The following HLTF variants were observed in gnomAD, a reference collection of about 807,000 sequenced individuals.
The protein encoded by HLTF is DNA-dependent ATPase/E3 ubiquitin-protein ligase HLTF.
In HLTF, 127 loss-of-function variants were observed where a neutral mutation model predicts 129.4. That is an observed-to-expected ratio of 0.98 (90% CI 0.85 to 1.14). HLTF has a LOEUF of 1.14. Ranked by LOEUF, HLTF falls within the 50% of genes most tolerant of loss-of-function variation. The pLI is 0.00. For synonymous variants in HLTF, 332 were observed against 388.8 expected (o/e 0.85, Z 1.72); for missense variants, 1,139 against 1,187.1 (o/e 0.96, Z 0.60).
intron 2 of HLTF, among the ~76,000 whole-genome samples, chr3:149,081,097 ACT>A (rs1461678134): frequency 3.9e-5 from 6 of 152,152 alleles, no homozygotes; most frequent in East Asian, 1.9e-4. Flanking sequence ...CATCTTGTTC[ACT>A]CTGTTTCCAC....
chr3:149,057,380 C>A (rs939593254), intron 13 of HLTF, among the ~76,000 whole-genome samples: 1 of 151,160 alleles, frequency 6.6e-6, no homozygotes, highest in Non-Finnish European at 1.5e-5. Context: ...GCGCCGTGAT[C>A]GCACCACTGC....
intron 17 of HLTF, among the ~76,000 whole-genome samples, chr3:149,047,183 G>A (rs1464385191): frequency 7.3e-6 from 1 of 137,850 alleles, no homozygotes; most frequent in African/African-American, 2.8e-5. Flanking sequence ...TCTATAAACC[G>A]GTGCTTTAGC....
intron 23 of HLTF, among the ~76,000 whole-genome samples, chr3:149,035,793 A>C (rs1715557573): frequency 6.6e-6 from 1 of 152,156 alleles, no homozygotes; most frequent in Non-Finnish European, 1.5e-5. Context: ...AAAAAGTACC[A>C]TTAGCTAATT....
chr3:149,051,365 A>G (rs1243666434), intron 14 of HLTF, among the ~76,000 whole-genome samples: 1 of 152,190 alleles, frequency 6.6e-6, no homozygotes, highest in Non-Finnish European at 1.5e-5. Context: ...GTAAATAATT[A>G]CCTATAGATA....
chr3:149,061,564 G>A (rs943878609), intron 10 of HLTF, among the ~76,000 whole-genome samples: 1 of 151,776 alleles, frequency 6.6e-6, no homozygotes, highest in Admixed American at 6.6e-5. Flanking sequence ...GGCCAGGCAC[G>A]GTGGCTCATG....
intron 3 of HLTF, 136 bp from the exon 4 acceptor site, chr3:149,074,484 C>A: frequency 1.4e-6 from 1 of 720,116 alleles, no homozygotes; most frequent in Non-Finnish European, 2.1e-6. Flanking sequence ...GTTGGGCAGA[C>A]TTGAAAGAAA....
At chr3:149,032,595 T>A (rs1715192926) in intron 24 of HLTF, among the ~76,000 whole-genome samples, 1 of 151,840 alleles carries the variant, frequency 6.6e-6, no homozygotes, top group Non-Finnish European at 1.5e-5. Context: ...GATCACAAGA[T>A]AAGCAAAGCA....
intron 17 of HLTF, among the ~76,000 whole-genome samples, chr3:149,047,606 C>T (rs1716653898): frequency 6.6e-6 from 1 of 152,068 alleles, no homozygotes; most frequent in Admixed American, 6.6e-5. Context: ...CGCGCCACTG[C>T]CCTCCAGCAT....
chr3:149,037,700 T>A (rs1362644744), intron 23 of HLTF, among the ~76,000 whole-genome samples: 1 of 152,186 alleles, frequency 6.6e-6, no homozygotes, highest in Non-Finnish European at 1.5e-5. Context: ...CTCAGTAGAA[T>A]TCCTACATGT....
intron 10 of HLTF, among the ~76,000 whole-genome samples, chr3:149,062,584 T>C (rs1718037116): frequency 6.6e-6 from 1 of 152,250 alleles, no homozygotes; most frequent in Non-Finnish European, 1.5e-5. Flanking sequence ...ATGAAGTTTG[T>C]AAAGTTAACA....
chr3:149,049,646 C>T (rs1037964418), intron 15 of HLTF, among the ~76,000 whole-genome samples: 13 of 152,188 alleles, frequency 8.5e-5, no homozygotes, highest in Non-Finnish European at 1.6e-4. Flanking sequence ...TTACAAATTG[C>T]TTCATATACT....
At chr3:149,063,830 C>T (rs554869090) in intron 9 of HLTF, among the ~76,000 whole-genome samples, 1 of 152,160 alleles carries the variant, frequency 6.6e-6, no homozygotes, top group South Asian at 2.1e-4. Context: ...ATCAACAGAA[C>T]CACAAATAGG....
chr3:149,073,311 T>G lies in HLTF; in HGVS notation c.541A>C (p.Asn181His), dbSNP rs1263847613. The G allele has an allele frequency of 6.2e-7, 1 of 1,608,260 alleles. No individual in the cohort carries two copies. Among genetic ancestry groups the G allele is most frequent in the Non-Finnish European group, 8.5e-7 (1 of 1,175,580 alleles). Reference sequence around the variant, plus strand: ...CCAGAGCCCCAACCACTTTCCAAATTGAATCCTAAAGCTATAATTTACAAA... The same window carrying G: ...CCAGAGCCCCAACCACTTTCCAAATGGAATCCTAAAGCTATAATTTACAAA... ...LGPAPKTLGF[N>H]LESGWGSGRA... Residue 181 changes from asparagine to histidine, a missense_variant, in exon 5 of 25, where the codon AAT (asparagine) becomes CAT (histidine). Physicochemically the swap from Asn to His is moderately conservative, Grantham distance 68. Coordinates refer to ENST00000310053, the MANE Select transcript of HLTF (RefSeq NM_003071.4).
chr3:149,049,224 G>A (rs1261952337), intron 15 of HLTF, among the ~76,000 whole-genome samples: 2 of 152,146 alleles, frequency 1.3e-5, no homozygotes, highest in Non-Finnish European at 2.9e-5. Flanking sequence ...AAACTGCTAA[G>A]TAAGTATGTT....
intron 2 of HLTF, among the ~76,000 whole-genome samples, chr3:149,083,263 A>G (rs1172593331): frequency 1.3e-5 from 2 of 152,152 alleles, no homozygotes; most frequent in African/African-American, 4.8e-5. Flanking sequence ...AAAAAAAAAC[A>G]AAAACAAATA....
At chr3:149,046,046 A>G in intron 18 of HLTF, 34 bp downstream of exon 18, 1 of 1,529,608 alleles carries the variant, frequency 6.5e-7, no homozygotes, top group Non-Finnish European at 8.9e-7. Flanking sequence ...AGTAAACAAA[A>G]ACTAATTTTT....
chr3:149,044,444 T>C (rs1490761133), intron 18 of HLTF, among the ~76,000 whole-genome samples: 1 of 152,156 alleles, frequency 6.6e-6, no homozygotes, highest in East Asian at 1.9e-4. Context: ...TACCATGTGC[T>C]AAATATTAGA....
chr3:149,061,787 G>A (rs1717971622), intron 10 of HLTF, among the ~76,000 whole-genome samples: 1 of 148,016 alleles, frequency 6.8e-6, no homozygotes, highest in African/African-American at 2.5e-5. Context: ...AGTGAGCCGA[G>A]ATCATGCCAT....
rs539703864 is a variant in HLTF, at chr3:149,041,799, A to G, written c.2198-131T>C. On this transcript the variant is annotated intron_variant, in intron 19 of 24. Coordinates refer to ENST00000310053, the MANE Select transcript of HLTF (RefSeq NM_003071.4). Reference sequence around the variant, plus strand: ...TCATTTTCTGCCATAGGCAAAAAGCATAATTTAAATTTGAAATTTAAGAAA... The same window carrying G: ...TCATTTTCTGCCATAGGCAAAAAGCGTAATTTAAATTTGAAATTTAAGAAA... The G allele has an allele frequency of 2.4e-5, 16 of 668,180 alleles. No homozygotes were observed. In the East Asian group the frequency reaches 3.8e-4, roughly 16 times the overall value. The allele number at this position is 668,180 out of a possible 1,614,324, so 41.4% of individuals were successfully genotyped here. A position where few individuals can be genotyped will look rare whatever the true frequency, so the allele number is the denominator to read the frequency against.
Sources: gnomAD v4.1 joint callset for allele counts (sites outside exome capture counted in the v4.1 genomes callset) on GRCh38, gnomAD v4.1.1 for gene constraint, MANE v1.5 for transcripts, NCBI Gene and HGNC (gene_info 2026-07-23, HGNC 2026-07-21) for gene names.